SHANK2: variants seen among roughly 807,000 people sequenced by gnomAD.
SHANK2 encodes SH3 and multiple ankyrin repeat domains 2.
A neutral mutation model predicts 133.7 loss-of-function variants in SHANK2; 43 were observed. That is an observed-to-expected ratio of 0.32 (90% CI 0.25 to 0.41). The LOEUF (loss-of-function observed/expected upper bound fraction) is 0.41, where lower values mean the gene tolerates loss of function less well. Among genes scored for constraint, SHANK2 ranks in the 10% least tolerant of loss-of-function variants. The pLI is 1.00. For synonymous variants in SHANK2, 1,017 were observed against 952.8 expected, an observed-to-expected ratio of 1.07 and a Z score of -1.24; for missense variants, 1,994 against 2,235.8, an observed-to-expected ratio of 0.89 and a Z score of 2.18.
chr11:70,524,895 C>T (rs1262729609), intron 17 of SHANK2, among the ~76,000 whole-genome samples: 1 of 152,260 alleles, frequency 6.6e-6, no homozygotes, highest in Admixed American at 6.5e-5. Flanking sequence ...TGCTCACACG[C>T]ACACAGGCAC....
Position 71,245,891 on chromosome 11 carries a change from C to G in SHANK2, c.-113+6534G>C, listed in dbSNP as rs2919720. ...CGTGAGGAGGGGTCAGACAGGAGCC[C>G]GGCTGGCCCAGGGGCAAATGCCTCT... On this transcript the variant is annotated intron_variant, in intron 1 of 25. Coordinates refer to ENST00000601538, the MANE Select transcript of SHANK2 (RefSeq NM_012309.5). Among the ~76,000 whole-genome samples, 167 of 152,266 alleles carry G rather than the reference C, an allele frequency of 1.1e-3. 1 individual carries two copies. Among genetic ancestry groups the G allele is most frequent in the Non-Finnish European group, 6.6e-4 (45 of 68,014 alleles).
intron 17 of SHANK2, among the ~76,000 whole-genome samples, chr11:70,575,079 G>T (rs1444820438): frequency 6.6e-6 from 1 of 152,140 alleles, no homozygotes; most frequent in African/African-American, 2.4e-5. Context: ...ATCCTCTGCG[G>T]TGCATTCAAG....
intron 17 of SHANK2, among the ~76,000 whole-genome samples, chr11:70,546,992 C>T (rs187838090): frequency 3.5e-4 from 53 of 152,232 alleles, no homozygotes; most frequent in East Asian, 1.9e-3. Flanking sequence ...CTGATCAGGC[C>T]GCTCACCTCC....
rs112156469 is a variant in SHANK2 at position 71,146,536 on chromosome 11, C to T, written c.207+584G>A. Among the ~76,000 whole-genome samples, 670 of 152,340 alleles carry T rather than the reference C, an allele frequency of 4.4e-3. 1 individual carries two copies. Among genetic ancestry groups the T allele is most frequent in the Non-Finnish European group, 7.4e-3 (506 of 68,028 alleles). On this transcript the variant is annotated intron_variant, in intron 3 of 25. Coordinates refer to ENST00000601538, the MANE Select transcript of SHANK2 (RefSeq NM_012309.5). ...GGACAGACATCCAGGACACAGCCAG[C>T]GTGGGCCAGGGCAGCCTGAGGGCTC... is the stretch of plus-strand genomic sequence containing the variant.
intron 17 of SHANK2, among the ~76,000 whole-genome samples, chr11:70,595,152 A>G (rs7105014): frequency 0.78 from 118,331 of 152,022 alleles, 46,338 homozygotes; most frequent in East Asian, 0.93. Context: ...CCAGGGTACA[A>G]GAAAAACCCA....
intron 10 of SHANK2, among the ~76,000 whole-genome samples, chr11:70,951,925 T>C (rs781824786): frequency 6.6e-6 from 1 of 152,236 alleles, no homozygotes; most frequent in Non-Finnish European, 1.5e-5. Flanking sequence ...TAAGAGGACA[T>C]CTTTCAAGAT....
chr11:70,485,957 G>C lies in SHANK2; in HGVS notation c.4336C>G (p.Pro1446Ala). ...DLVKQKKSDT[P>A]QSPSLNSSQP... ...CTGGAGTTCAACGAAGGGGACTGAG[G>C]GGTGTCGCTTTTCTTCTGCTTCACT... Residue 1446 changes from proline to alanine, a missense_variant, in exon 25 of 26, where the codon CCT becomes GCT. Transcript: ENST00000601538. The surrounding 1 kb of genome is among the most constrained non-coding windows in gnomAD (Gnocchi z 5.8). 6.2e-7 allele frequency: 1 copy of C among 1,614,140 alleles called. No homozygotes were observed. The highest frequency in any genetic ancestry group is 8.5e-7 in the Non-Finnish European group (1 of 1,180,034).
At chr11:70,800,188 A>G (rs930746352) in intron 13 of SHANK2, among the ~76,000 whole-genome samples, 1 of 152,050 alleles carries the variant, frequency 6.6e-6, no homozygotes, top group Admixed American at 6.6e-5. Context: ...ACACCTCATT[A>G]TTATTATAAT....
intron 11 of SHANK2, among the ~76,000 whole-genome samples, chr11:70,860,368 A>G (rs1465638861): frequency 6.6e-6 from 1 of 152,152 alleles, no homozygotes; most frequent in Non-Finnish European, 1.5e-5. Flanking sequence ...GATCTCTCCC[A>G]TCACCCATTA....
At chr11:70,741,927 G>C (rs1946535631) in intron 14 of SHANK2, among the ~76,000 whole-genome samples, 1 of 152,150 alleles carries the variant, frequency 6.6e-6, no homozygotes, top group African/African-American at 2.4e-5. Context: ...CATGCTGGTG[G>C]ACCCTGAGAA....
chr11:71,092,682 C>G, intron 7 of SHANK2, 93 bp from the exon 8 acceptor site: 1 of 1,338,056 alleles, frequency 7.5e-7, no homozygotes, highest in Non-Finnish European at 1.0e-6. Context: ...GACCACCCTC[C>G]CCCAGGTCAA....
chr11:71,069,116 CCAT>C (rs1360863676), intron 9 of SHANK2, among the ~76,000 whole-genome samples: 2 of 151,580 alleles, frequency 1.3e-5, no homozygotes, highest in South Asian at 2.1e-4. Context: ...TCAACCACCA[CCAT>C]CATCACCATC....
At chr11:70,544,897 C>A (rs376127386) in intron 17 of SHANK2, among the ~76,000 whole-genome samples, 2 of 152,246 alleles carry the variant, frequency 1.3e-5, no homozygotes, top group Non-Finnish European at 2.9e-5. Flanking sequence ...TCTGAGCCCA[C>A]GTGAGCACCA....
chr11:70,551,957 G>A (rs1269943818), intron 17 of SHANK2, among the ~76,000 whole-genome samples: 1 of 152,354 alleles, frequency 6.6e-6, no homozygotes, highest in Non-Finnish European at 1.5e-5. Flanking sequence ...TTCCCAGCCC[G>A]AGGCACGGGG....
At chr11:70,934,647 G>A (rs907084442) in intron 10 of SHANK2, among the ~76,000 whole-genome samples, 2 of 152,206 alleles carry the variant, frequency 1.3e-5, no homozygotes, top group African/African-American at 4.8e-5. Flanking sequence ...AATTAAGGAG[G>A]CTCCTTATTT....
At chr11:70,772,081 C>T (rs1471912736) in intron 14 of SHANK2, among the ~76,000 whole-genome samples, 4 of 152,090 alleles carry the variant, frequency 2.6e-5, no homozygotes, top group African/African-American at 4.8e-5. Context: ...TCAGAGTCTC[C>T]GGGTGCTGAC....
At chr11:70,516,929 CGGGCATGGT>C (rs2059273360) in intron 17 of SHANK2, among the ~76,000 whole-genome samples, 1 of 152,000 alleles carries the variant, frequency 6.6e-6, no homozygotes, top group Non-Finnish European at 1.5e-5. Context: ...AAAAATCAGC[CGGGCATGGT>C]GGCACACATC....
chr11:70,645,423 AC>A (rs1223706092), intron 17 of SHANK2, among the ~76,000 whole-genome samples: 1 of 152,136 alleles, frequency 6.6e-6, no homozygotes, highest in Non-Finnish European at 1.5e-5. Flanking sequence ...AACAACAAAA[AC>A]AAAAAACAAA....
chr11:70,828,952 TG>T (rs1406900540), intron 11 of SHANK2, among the ~76,000 whole-genome samples: 1 of 152,242 alleles, frequency 6.6e-6, no homozygotes, highest in African/African-American at 2.4e-5. Flanking sequence ...CCGGCGCTGC[TG>T]CCTCTGCGGC....
Sources: gnomAD v4.1 joint callset for allele counts (sites outside exome capture counted in the v4.1 genomes callset) on GRCh38, gnomAD v4.1.1 for gene constraint, Gnocchi (gnomAD v3.1) non-coding constraint, MANE v1.5 for transcripts, NCBI Gene and HGNC (gene_info 2026-07-23, HGNC 2026-07-21) for gene names.